PSD3: variants seen among roughly 807,000 people sequenced by gnomAD.
PSD3 encodes the protein PH and SEC7 domain-containing protein 3.
PSD3 carries 49 observed loss-of-function variants against 105.5 expected under a neutral mutation model. That is an observed-to-expected ratio of 0.46 (90% CI 0.37 to 0.59). The LOEUF (loss-of-function observed/expected upper bound fraction) is 0.59. PSD3 is among the 20% of genes least tolerant of loss of function. The probability of loss-of-function intolerance (pLI) is 0.00; values close to 1 mark genes in which losing one functional copy is unlikely to be tolerated. For synonymous variants in PSD3, 557 were observed against 457.8 expected (o/e 1.22, Z -2.77); for missense variants, 1,561 against 1,263.8 (o/e 1.24, Z -3.57).
At chr8:18,604,389 C>G (rs1442605847) in intron 11 of PSD3, among the ~76,000 whole-genome samples, 1 of 152,120 alleles carries the variant, frequency 6.6e-6, no homozygotes, top group Non-Finnish European at 1.5e-5. Context: ...GAAGAAATTT[C>G]TAAGCAGGAA....
chr8:18,721,012 G>A (rs1802933474), intron 9 of PSD3: 1 of 152,010 alleles, frequency 6.6e-6, no homozygotes, highest in African/African-American at 2.4e-5. Context: ...TGTGAACAAG[G>A]AGTTTACATC....
At chr8:18,851,499 C>T (rs754868828) in intron 4 of PSD3, among the ~76,000 whole-genome samples, 4 of 152,358 alleles carry the variant, frequency 2.6e-5, no homozygotes, top group African/African-American at 4.8e-5. Context: ...TGGATTCAGA[C>T]CAGCCCTCTG....
chr8:19,082,114 C>T (rs1829663993), intron 1 of PSD3, among the ~76,000 whole-genome samples: 1 of 152,178 alleles, frequency 6.6e-6, no homozygotes, highest in African/African-American at 2.4e-5. Flanking sequence ...CTAGATAGCA[C>T]CTTAATCTGT....
At chr8:18,848,393 C>T (rs555994062) in intron 4 of PSD3, among the ~76,000 whole-genome samples, 1 of 152,178 alleles carries the variant, frequency 6.6e-6, no homozygotes, top group Non-Finnish European at 1.5e-5. Context: ...GATCTCTTAG[C>T]CTCTTGCCAG....
intron 1 of PSD3, among the ~76,000 whole-genome samples, chr8:18,999,711 C>T (rs1826273492): frequency 6.6e-6 from 1 of 151,614 alleles, no homozygotes; most frequent in African/African-American, 2.4e-5. Context: ...TACAAATATT[C>T]ATGAAGGAAA....
intron 4 of PSD3, among the ~76,000 whole-genome samples, chr8:18,819,023 T>G (rs1423094270): frequency 6.6e-6 from 1 of 151,828 alleles, no homozygotes; most frequent in East Asian, 2.0e-4. Context: ...GACAAGCACC[T>G]ACCTCTAGGC....
At chr8:18,752,588 ATATAT>A (rs1805663536) in intron 9 of PSD3, among the ~76,000 whole-genome samples, 3 of 83,342 alleles carry the variant, frequency 3.6e-5, no homozygotes, top group South Asian at 2.8e-4. Flanking sequence ...TATATATATT[ATATAT>A]TATATATTAT....
chr8:18,934,599 GACATGACTCTAAGATCTTTAT>G (rs1419131815), intron 2 of PSD3, among the ~76,000 whole-genome samples: 1 of 152,024 alleles, frequency 6.6e-6, no homozygotes, highest in East Asian at 1.9e-4. Flanking sequence ...GTAGAGATGG[GACATGACTCTAAGATCTTTAT>G]AAATGTCAAC....
At chr8:18,675,569 C>A (rs1000971705) in intron 9 of PSD3, among the ~76,000 whole-genome samples, 2 of 152,010 alleles carry the variant, frequency 1.3e-5, no homozygotes, top group African/African-American at 4.8e-5. Flanking sequence ...CCTCAGCCAG[C>A]CCGTTCAGAA....
chr8:18,998,953 T>A (rs1826227690), intron 1 of PSD3, among the ~76,000 whole-genome samples: 1 of 151,928 alleles, frequency 6.6e-6, no homozygotes, highest in South Asian at 2.1e-4. Context: ...ACATGGTGGG[T>A]CCCATTTTTA....
chr8:18,924,991 T>C (rs1189012013), intron 2 of PSD3, among the ~76,000 whole-genome samples: 1 of 152,146 alleles, frequency 6.6e-6, no homozygotes, highest in African/African-American at 2.4e-5. Context: ...TCACCAAAAT[T>C]AAAACCTTTT....
chr8:18,667,271 T>A (rs920015941), intron 9 of PSD3, among the ~76,000 whole-genome samples: 16 of 152,286 alleles, frequency 1.1e-4, no homozygotes, highest in African/African-American at 3.8e-4. Context: ...CTGGTGCATT[T>A]ACAATCCCTG....
At chr8:18,790,737 A>G (rs897378857) in intron 8 of PSD3, among the ~76,000 whole-genome samples, 3 of 152,120 alleles carry the variant, frequency 2.0e-5, no homozygotes, top group African/African-American at 7.2e-5. Flanking sequence ...TGCAACTGTG[A>G]GATCTAGCCC....
chr8:18,659,391 C>T (rs565353524), intron 9 of PSD3, among the ~76,000 whole-genome samples: 19 of 152,304 alleles, frequency 1.2e-4, no homozygotes, highest in Non-Finnish European at 2.4e-4. Context: ...AATGGGATTT[C>T]AGAACTGAAC....
At chr8:18,616,007 G>C (rs1005548061) in intron 11 of PSD3, among the ~76,000 whole-genome samples, 2 of 143,294 alleles carry the variant, frequency 1.4e-5, no homozygotes, top group African/African-American at 5.1e-5. Flanking sequence ...GACAGAATCT[G>C]TTCTCCAAGG....
intron 1 of PSD3, among the ~76,000 whole-genome samples, chr8:18,952,283 C>T (rs1188821033): frequency 6.6e-6 from 1 of 152,150 alleles, no homozygotes; most frequent in Non-Finnish European, 1.5e-5. Context: ...TCTTTACATC[C>T]ATAATTGGAA....
intron 1 of PSD3, among the ~76,000 whole-genome samples, chr8:19,026,082 T>C (rs1827539905): frequency 1.3e-5 from 2 of 152,132 alleles, no homozygotes; most frequent in Non-Finnish European, 2.9e-5. Flanking sequence ...CCATCAGATA[T>C]TGTGAGGCTT....
chr8:18,588,358 AG>A (rs1418892193), intron 12 of PSD3, among the ~76,000 whole-genome samples: 1 of 152,222 alleles, frequency 6.6e-6, no homozygotes, highest in Non-Finnish European at 1.5e-5. Flanking sequence ...ATTAGTCTCT[AG>A]GATCTGTGCA....
chr8:18,606,257 T>G (rs1000335450), intron 11 of PSD3, among the ~76,000 whole-genome samples: 24 of 152,246 alleles, frequency 1.6e-4, no homozygotes, highest in African/African-American at 5.3e-4. Context: ...CTCTTTCATA[T>G]TCTCCATCTC....
Sources: gnomAD v4.1 joint callset for allele counts (sites outside exome capture counted in the v4.1 genomes callset) on GRCh38, gnomAD v4.1.1 for gene constraint, MANE v1.5 for transcripts, NCBI Gene and HGNC (gene_info 2026-07-23, HGNC 2026-07-21) for gene names.